Variants in CCDC141 observed in about 807,000 individuals in gnomAD.
The protein encoded by CCDC141 is coiled-coil domain-containing protein 141.
In CCDC141, 168 loss-of-function variants were observed where a neutral mutation model predicts 181.0. That is an observed-to-expected ratio of 0.93 (90% CI 0.82 to 1.05). CCDC141 has a LOEUF of 1.05. Ranked by LOEUF, CCDC141 falls within the 50% of genes least tolerant of loss-of-function variation. The probability of loss-of-function intolerance (pLI) is 0.00; values close to 1 mark genes in which losing one functional copy is unlikely to be tolerated. For missense variants in CCDC141, 1,902 were observed against 1,788.5 expected (o/e 1.06, Z -1.14); for synonymous variants, 666 against 642.3 (o/e 1.04, Z -0.56).
chr2:178,990,690 A>G lies in CCDC141; in HGVS notation c.226-12015T>C, dbSNP rs771069283. The stretch of plus-strand genomic sequence containing the variant: ...GTGAACCTCTAAGACATGCTAAGTG[A>G]AAGTGAAACGCCAAAGGTCACATAA... On this transcript the variant is annotated intron_variant, in intron 2 of 23. Coordinates refer to ENST00000443758, the MANE Select transcript of CCDC141 (RefSeq NM_173648.4). Among the ~76,000 whole-genome samples the G allele has an allele frequency of 7.9e-5, 12 of 152,164 alleles. No individual in the cohort carries two copies. In the South Asian group the frequency reaches 1.9e-3, roughly 24 times the overall value.
chr2:179,019,739 T>C (rs981665294), intron 2 of CCDC141, among the ~76,000 whole-genome samples: 9 of 152,044 alleles, frequency 5.9e-5, no homozygotes, highest in African/African-American at 1.9e-4. Flanking sequence ...GATGGTAAGA[T>C]CATTTTTATA....
At chr2:178,916,647 C>T (rs1688461061) in intron 7 of CCDC141, among the ~76,000 whole-genome samples, 1 of 152,096 alleles carries the variant, frequency 6.6e-6, no homozygotes, top group Admixed American at 6.6e-5. Flanking sequence ...TCATCTTTCA[C>T]ACTGAGTTCT....
the CCDC141 span, among the ~76,000 whole-genome samples, chr2:178,824,369 C>T: frequency 4.6e-5 from 7 of 152,156 alleles, no homozygotes; most frequent in South Asian, 4.1e-4. Flanking sequence ...CAGTGGCTCA[C>T]GCCAGCATTT....
At chr2:178,960,170 G>T (rs889074882) in intron 5 of CCDC141, among the ~76,000 whole-genome samples, 5 of 152,152 alleles carry the variant, frequency 3.3e-5, no homozygotes, top group African/African-American at 1.2e-4. Flanking sequence ...ATAGTGCCAA[G>T]GTTGAGAAAC....
chr2:178,885,044 T>C lies in CCDC141; in HGVS notation c.1576A>G (p.Asn526Asp), dbSNP rs759473212. The C allele has an allele frequency of 1.3e-6, 2 of 1,550,292 alleles. No homozygotes were observed. Among genetic ancestry groups the C allele is most frequent in the African/African-American group, 1.4e-5 (1 of 73,136 alleles). ...ACCATTTCATCAGATACAAATTCAT[T>C]TTTCTCCATCATGGTTTTTGCAGCT... Reference protein sequence around the residue: ...EAAAKTMMEKNEFVSDEMVSL... With the variant: ...EAAAKTMMEKDEFVSDEMVSL... Residue 526 changes from asparagine (N) to aspartate (D), a missense_variant, in exon 11 of 24, where the codon AAT (asparagine) becomes GAT (aspartate). By Grantham distance (23) the Asn-to-Asp change is conservative (BLOSUM62 1). Coordinates refer to ENST00000443758, the MANE Select transcript of CCDC141 (RefSeq NM_173648.4).
intron 8 of CCDC141, among the ~76,000 whole-genome samples, chr2:178,890,879 C>T (rs1687115596): frequency 2.0e-5 from 3 of 151,350 alleles, no homozygotes; most frequent in African/African-American, 7.2e-5. Flanking sequence ...ATTCTCGCAA[C>T]AGACATGCCA....
At chr2:178,843,983 C>T (rs78671483) in intron 22 of CCDC141, among the ~76,000 whole-genome samples, 1 of 152,126 alleles carries the variant, frequency 6.6e-6, no homozygotes, top group African/African-American at 2.4e-5. Context: ...ATGCTCCAAC[C>T]TTTTAGTTTG....
chr2:179,041,590 G>T lies in CCDC141; in HGVS notation c.225+5694C>A, dbSNP rs966078401. Among the ~76,000 whole-genome samples, 32 of 141,808 alleles carry T rather than the reference G, an allele frequency of 2.3e-4. 1 individual carries two copies. The highest frequency in any genetic ancestry group is 3.7e-4 in the African/African-American group (14 of 37,394). The allele number at this position is 141,808 out of a possible 152,430, so 93.0% of individuals were successfully genotyped here. On this transcript the variant is annotated intron_variant, in intron 2 of 23. Transcript: ENST00000443758. The stretch of plus-strand genomic sequence containing the variant: ...ACAATACTAACCTTAAATGTAAATG[G>T]AAATGCCCCAATTAAAAGACACAGA...
rs978475180 is a variant in CCDC141 at position 178,888,610 on chromosome 2, G to A, written c.1324C>T (p.Leu442=). The A allele has an allele frequency of 5.2e-6, 8 of 1,550,646 alleles. No individual in the cohort carries two copies. The South Asian group carries it at 7.1e-5, about 14-fold the overall frequency. The change falls in exon 9 of 24, where the codon CTG becomes TTG. Residue 442 remains leucine, a synonymous_variant. Transcript: ENST00000443758. ...MGCIKRRVDH[L]TEQCSAHKEY... ...TTGTGCGCTGAACACTGTTCGGTCA[G>A]ATGATCCACTCGTCTCTTAATGCAC...
chr2:178,904,812 C>T (rs1687883996), intron 8 of CCDC141, among the ~76,000 whole-genome samples: 2 of 152,146 alleles, frequency 1.3e-5, no homozygotes, highest in African/African-American at 4.8e-5. Context: ...CCACCTAGAG[C>T]ACTGTTCAAA....
chr2:178,949,706 G>C (rs897533205), intron 5 of CCDC141, among the ~76,000 whole-genome samples: 1 of 152,188 alleles, frequency 6.6e-6, no homozygotes, highest in Non-Finnish European at 1.5e-5. Context: ...TGTGGGTCAG[G>C]CCTGTCAGGA....
chr2:178,896,051 T>C (rs111447230), intron 8 of CCDC141, among the ~76,000 whole-genome samples: 1 of 152,078 alleles, frequency 6.6e-6, no homozygotes, highest in Non-Finnish European at 1.5e-5. Flanking sequence ...CTGTCACAAA[T>C]GAAATAACTA....
At position 178,891,109 on chromosome 2, in the gene CCDC141, T is replaced by A. The variant is rs1237189672; in HGVS notation, c.1266-2441A>T. ...AATAGACTTATATACTTAATAATTTTATTAAATTCATGATTAGTTATACAT... is the reference window on the plus strand; with the variant it reads ...AATAGACTTATATACTTAATAATTTAATTAAATTCATGATTAGTTATACAT... On this transcript the variant is annotated intron_variant, in intron 8 of 23. Transcript: ENST00000443758. 3.9e-5 allele frequency among the ~76,000 whole-genome samples: 6 copies of A among 152,184 alleles called. No homozygotes were observed. The East Asian group carries it at 1.2e-3, about 29-fold the overall frequency.
chr2:179,019,347 C>T (rs953168260), intron 2 of CCDC141, among the ~76,000 whole-genome samples: 3 of 152,064 alleles, frequency 2.0e-5, no homozygotes, highest in African/African-American at 7.2e-5. Context: ...CTCCCATAAT[C>T]GTTATTTCAT....
intron 8 of CCDC141, among the ~76,000 whole-genome samples, chr2:178,891,194 T>A (rs917404715): frequency 5.3e-5 from 8 of 152,178 alleles, no homozygotes; most frequent in Non-Finnish European, 1.2e-4. Context: ...TACCATAAAA[T>A]TCCATAACGA....
At chr2:179,035,283 A>G (rs1427072053) in intron 2 of CCDC141, among the ~76,000 whole-genome samples, 1 of 152,146 alleles carries the variant, frequency 6.6e-6, no homozygotes, top group African/African-American at 2.4e-5. Context: ...TTATCACCCC[A>G]TCTTTCACGT....
At chr2:178,958,203 A>G (rs745934310) in intron 5 of CCDC141, among the ~76,000 whole-genome samples, 1 of 152,174 alleles carries the variant, frequency 6.6e-6, no homozygotes, top group African/African-American at 2.4e-5. Flanking sequence ...TGATGCTATA[A>G]TGGTGGATGC....
At chr2:178,895,525 C>T (rs1396359355) in intron 8 of CCDC141, among the ~76,000 whole-genome samples, 1 of 152,124 alleles carries the variant, frequency 6.6e-6, no homozygotes, top group Non-Finnish European at 1.5e-5. Context: ...GTAGTTAATC[C>T]TGGATTTAAT....
chr2:178,987,516 T>C (rs1691812079), intron 2 of CCDC141, among the ~76,000 whole-genome samples: 1 of 151,838 alleles, frequency 6.6e-6, no homozygotes, highest in Admixed American at 6.6e-5. Context: ...GAAACTACCA[T>C]CAGAGTGAAC....
Sources: gnomAD v4.1 joint callset for allele counts (sites outside exome capture counted in the v4.1 genomes callset) on GRCh38, gnomAD v4.1.1 for gene constraint, MANE v1.5 for transcripts, NCBI Gene and HGNC (gene_info 2026-07-23, HGNC 2026-07-21) for gene names.